The following MORF4L1 variants were observed in gnomAD, a reference collection of about 807,000 sequenced individuals.
The protein encoded by MORF4L1 is mortality factor 4 like 1, also known as mortality factor 4-like protein 1.
Under a neutral mutation model 52.9 loss-of-function variants are expected in MORF4L1, and 4 were observed. The ratio of observed to expected loss-of-function variants is 0.08; its 90% CI spans 0.04 to 0.17. The LOEUF (loss-of-function observed/expected upper bound fraction) is 0.17. MORF4L1 is among the 10% of genes least tolerant of loss of function. The pLI is 1.00. For missense variants in MORF4L1, 214 were observed against 390.4 expected, an observed-to-expected ratio of 0.55 and a Z score of 3.81; for synonymous variants, 123 against 134.8, an observed-to-expected ratio of 0.91 and a Z score of 0.61.
At chr15:78,883,366 A>G (rs2056637257) in intron 3 of MORF4L1, among the ~76,000 whole-genome samples, 1 of 152,246 alleles carries the variant, frequency 6.6e-6, no homozygotes, top group African/African-American at 2.4e-5. Flanking sequence ...GTTCTTTTTC[A>G]CATATAATAG....
At position 78,873,185 on chromosome 15, in the gene MORF4L1, G is replaced by A. The variant is rs578133526; in HGVS notation, c.40+128G>A. ...CTGAGAAGGCGGCGGTCAGTGCTTT[G>A]TGCGGGGAAAGCGCATTGCGGATGG... is the stretch of plus-strand genomic sequence containing the variant. On this transcript the variant is annotated intron_variant, in intron 1 of 11. Coordinates refer to ENST00000426013, the MANE Select transcript of MORF4L1 (RefSeq NM_006791.4). 1.2e-5 allele frequency: 18 copies of A among 1,522,272 alleles called. No homozygotes were observed. In the East Asian group the frequency reaches 4.0e-4, roughly 34 times the overall value. 94.3% of individuals were successfully genotyped at this position (1,522,272 alleles called of 1,614,324 possible).
At chr15:78,883,084 A>G (rs930200101) in intron 3 of MORF4L1, among the ~76,000 whole-genome samples, 2 of 151,940 alleles carry the variant, frequency 1.3e-5, no homozygotes, top group South Asian at 4.2e-4. Flanking sequence ...GTGTGGTGGC[A>G]CACGACTGTA....
chr15:78,893,975 T>C, intron 9 of MORF4L1, 83 bp from the exon 10 acceptor site: 1 of 1,353,784 alleles, frequency 7.4e-7, no homozygotes. Flanking sequence ...AGCTCAGCTT[T>C]TAATTCTTTA....
intron 1 of MORF4L1, 86 bp downstream of exon 1, chr15:78,873,143 G>T: frequency 1.3e-6 from 2 of 1,543,638 alleles, no homozygotes; most frequent in Admixed American, 2.1e-5. Flanking sequence ...AGGGCCGGGG[G>T]CGGCGCGGGC....
intron 5 of MORF4L1, among the ~76,000 whole-genome samples, chr15:78,888,043 G>T (rs11854790): frequency 0.029 from 4,347 of 152,326 alleles, 240 homozygotes; most frequent in African/African-American, 0.1. Flanking sequence ...AGAGTGCTGG[G>T]ATTATAGGCG....
Position 78,897,636 on chromosome 15 carries a change from G to T in MORF4L1, c.*569G>T, listed in dbSNP as rs2056912870. The T allele has an allele frequency of 6.5e-6, 1 of 152,706 alleles. No homozygotes were observed. The highest frequency in any genetic ancestry group is 1.5e-5 in the Non-Finnish European group (1 of 68,108). The allele number at this position is 152,706 out of a possible 1,614,324, so 9.5% of individuals were successfully genotyped here. On this transcript the variant is annotated 3_prime_UTR_variant, in exon 12 of 12. Coordinates refer to ENST00000426013, the MANE Select transcript of MORF4L1 (RefSeq NM_006791.4). ...TTGTGTCTAATGCACGTTTTAACAT[G>T]ATAGACGCAATGCATTGTGTAGCTA... is the stretch of plus-strand genomic sequence containing the variant.
At chr15:78,885,865 A>G (rs552259311) in intron 3 of MORF4L1, among the ~76,000 whole-genome samples, 13 of 152,384 alleles carry the variant, frequency 8.5e-5, no homozygotes, top group Admixed American at 6.5e-4. Context: ...TGAATCTTAC[A>G]TTAAGTGCCA....
chr15:78,876,462 A>G (rs1033477529), intron 1 of MORF4L1: 28 of 450,010 alleles, frequency 6.2e-5, no homozygotes, highest in Non-Finnish European at 4.9e-5. Context: ...CCTGGGTCAT[A>G]CTCCTCAGCT....
chr15:78,897,162 T>C lies in MORF4L1; in HGVS notation c.*95T>C, dbSNP rs905513614. The C allele has an allele frequency of 9.9e-6, 9 of 908,348 alleles. No individual in the cohort carries two copies. Among genetic ancestry groups the C allele is most frequent in the Non-Finnish European group, 1.4e-5 (8 of 584,734 alleles). The allele number at this position is 908,348 out of a possible 1,614,324, so 56.3% of individuals were successfully genotyped here. A position where few individuals can be genotyped will look rare whatever the true frequency, so the allele number is the denominator to read the frequency against. ...AAACGATGTGCTTTGAAGATGTTAG[T>C]GTATAACAATTGATGTTTGTTTTCT... is the stretch of plus-strand genomic sequence containing the variant. On this transcript the variant is annotated 3_prime_UTR_variant, in exon 12 of 12. Coordinates refer to ENST00000426013, the MANE Select transcript of MORF4L1 (RefSeq NM_006791.4).
intron 8 of MORF4L1, chr15:78,893,107 G>A (rs1463969265): frequency 6.5e-6 from 1 of 153,742 alleles, no homozygotes; most frequent in African/African-American, 2.4e-5. Flanking sequence ...AGGACGAAAA[G>A]ATAATTATTT....
At chr15:78,889,741 A>C (rs991388090) in intron 5 of MORF4L1, among the ~76,000 whole-genome samples, 1 of 152,198 alleles carries the variant, frequency 6.6e-6, no homozygotes, top group African/African-American at 2.4e-5. Flanking sequence ...TCCAAACATA[A>C]GTTAATTTGA....
At chr15:78,889,072 A>G (rs1344514954) in intron 5 of MORF4L1, among the ~76,000 whole-genome samples, 3 of 152,252 alleles carry the variant, frequency 2.0e-5, no homozygotes, top group Admixed American at 1.3e-4. Flanking sequence ...TAGTATGCCC[A>G]TAAGTTATTT....
chr15:78,873,261 C>G (rs1416748709), intron 1 of MORF4L1: 8 of 1,483,690 alleles, frequency 5.4e-6, no homozygotes, highest in Admixed American at 2.8e-5. Context: ...GAGAGTGCTG[C>G]GCAGGCGTTA....
At chr15:78,883,711 G>A (rs1308044208) in intron 3 of MORF4L1, among the ~76,000 whole-genome samples, 2 of 152,138 alleles carry the variant, frequency 1.3e-5, no homozygotes, top group African/African-American at 4.8e-5. Context: ...AAATGTCTTT[G>A]GTTGACTTGG....
chr15:78,897,125 T>G lies in MORF4L1; in HGVS notation c.*58T>G, dbSNP rs2056904788. ...CGTAAACACATTTTTGTTCTTAGTC[T>G]ATCTCTTGTACAAACGATGTGCTTT... On this transcript the variant is annotated 3_prime_UTR_variant, in exon 12 of 12. Coordinates refer to ENST00000426013, the MANE Select transcript of MORF4L1 (RefSeq NM_006791.4). 1 of 1,329,780 alleles carries G rather than the reference T, an allele frequency of 7.5e-7. No homozygotes were observed. 82.4% of individuals were successfully genotyped at this position (1,329,780 alleles called of 1,614,324 possible). A position where few individuals can be genotyped will look rare whatever the true frequency, so the allele number is the denominator to read the frequency against.
At chr15:78,881,165 A>G (rs1423039981) in intron 3 of MORF4L1, among the ~76,000 whole-genome samples, 1 of 137,012 alleles carries the variant, frequency 7.3e-6, no homozygotes. Context: ...TAGAGTCTTA[A>G]TTTCTCACCC....
intron 7 of MORF4L1, 136 bp downstream of exon 7, chr15:78,891,708 G>A: frequency 1.5e-6 from 1 of 645,956 alleles, no homozygotes; most frequent in African/African-American, 1.8e-5. Flanking sequence ...TTCTCTTTTG[G>A]GGGTAAAGGA....
At chr15:78,882,023 C>G (rs939474911) in intron 3 of MORF4L1, among the ~76,000 whole-genome samples, 1 of 152,150 alleles carries the variant, frequency 6.6e-6, no homozygotes, top group African/African-American at 2.4e-5. Flanking sequence ...GTTGTTTTCA[C>G]GTATCAGATG....
chr15:78,874,109 C>T (rs933507594), intron 1 of MORF4L1, among the ~76,000 whole-genome samples: 4 of 145,966 alleles, frequency 2.7e-5, no homozygotes, highest in African/African-American at 1.0e-4. Flanking sequence ...CTTCAGTTAA[C>T]GTATAATAAG....
Sources: gnomAD v4.1 joint callset for allele counts (sites outside exome capture counted in the v4.1 genomes callset) on GRCh38, gnomAD v4.1.1 for gene constraint, MANE v1.5 for transcripts, NCBI Gene and HGNC (gene_info 2026-07-23, HGNC 2026-07-21) for gene names.